FRK: variants seen among roughly 807,000 people sequenced by gnomAD.
FRK encodes fyn related Src family tyrosine kinase, also known as tyrosine-protein kinase FRK.
Under a neutral mutation model 56.4 loss-of-function variants are expected in FRK, and 51 were observed. The ratio of observed to expected loss-of-function variants is 0.90; its 90% confidence interval spans 0.72 to 1.14. The LOEUF is 1.14. Among genes scored for constraint, FRK ranks in the 50% most tolerant of loss-of-function variants. FRK has a pLI of 0.00. For missense variants in FRK, 570 were observed against 601.4 expected (o/e 0.95, Z 0.55); for synonymous variants, 245 against 217.9 (o/e 1.12, Z -1.10).
intron 1 of FRK, among the ~76,000 whole-genome samples, chr6:116,058,383 T>G (rs1777474585): frequency 6.6e-6 from 1 of 152,204 alleles, no homozygotes; most frequent in Admixed American, 6.5e-5. Context: ...TTAAGACCCT[T>G]CTAAACATTT....
intron 5 of FRK, among the ~76,000 whole-genome samples, chr6:115,955,813 T>G (rs970269826): frequency 2.6e-5 from 4 of 152,224 alleles, no homozygotes; most frequent in Non-Finnish European, 4.4e-5. Context: ...CATCTCATTT[T>G]AATGCTCATT....
chr6:116,085,783 C>T, the FRK span, among the ~76,000 whole-genome samples: 1 of 152,082 alleles, frequency 6.6e-6, no homozygotes, highest in East Asian at 1.9e-4. Flanking sequence ...TACATATGAA[C>T]ACGGAGATTC....
At chr6:116,032,138 A>G (rs752609540) in intron 1 of FRK, among the ~76,000 whole-genome samples, 18 of 152,208 alleles carry the variant, frequency 1.2e-4, no homozygotes, top group Non-Finnish European at 2.4e-4. Context: ...TCATCCACAT[A>G]TGGAGCACAT....
the FRK span, among the ~76,000 whole-genome samples, chr6:116,092,364 G>A: frequency 6.6e-6 from 1 of 152,164 alleles, no homozygotes; most frequent in Non-Finnish European, 1.5e-5. Flanking sequence ...CCCTCCCTCA[G>A]GGTATGGCCC....
At chr6:115,989,697 A>C (rs76552204) in intron 2 of FRK, among the ~76,000 whole-genome samples, 1 of 151,838 alleles carries the variant, frequency 6.6e-6, no homozygotes, top group African/African-American at 2.4e-5. Context: ...ATTGACACTT[A>C]TGTTGATACC....
At chr6:116,088,949 G>A in the FRK span, among the ~76,000 whole-genome samples, 1 of 152,148 alleles carries the variant, frequency 6.6e-6, no homozygotes, top group African/African-American at 2.4e-5. Context: ...AGGGATTCCT[G>A]AAATATGTTC....
In FRK at chr6:115,942,523, C is replaced by T; in HGVS notation, c.1409G>A (p.Trp470Ter). 1 of 1,613,718 alleles carries T rather than the reference C, an allele frequency of 6.2e-7. No individual in the cohort carries two copies. Among genetic ancestry groups the T allele is most frequent in the Non-Finnish European group, 8.5e-7 (1 of 1,179,776 alleles). The change falls in exon 8 of 8, where the codon TGG becomes TAG. Residue 470 changes from tryptophan (W) to a stop codon, truncating the protein, a stop_gained. Coordinates refer to ENST00000606080, the MANE Select transcript of FRK (RefSeq NM_002031.3). LOFTEE classifies it high-confidence loss of function. Reference protein sequence around the residue: ...QQFYNIMLECWNAEPKERPTF... With the variant: ...QQFYNIMLEC ...AGGTCGTTCCTTAGGCTCTGCATTC[C>T]AGCACTCCAACATGATGTTGTAAAA...
At chr6:116,046,680 A>C (rs1256034147) in intron 1 of FRK, among the ~76,000 whole-genome samples, 1 of 152,126 alleles carries the variant, frequency 6.6e-6, no homozygotes, top group Admixed American at 6.6e-5. Flanking sequence ...TACCTAAGGT[A>C]GGTGATGGGT....
rs1271454753 is a variant in FRK at position 115,935,616 on chromosome 6, A to T, written c.*6798T>A. 1 of 152,292 alleles carries T rather than the reference A, an allele frequency of 6.6e-6. No individual in the cohort carries two copies. Among genetic ancestry groups the T allele is most frequent in the Non-Finnish European group, 1.5e-5 (1 of 68,118 alleles). 9.4% of individuals were successfully genotyped at this position (152,292 alleles called of 1,614,324 possible). A position where few individuals can be genotyped will look rare whatever the true frequency, so the allele number is the denominator to read the frequency against. ...TTCACTGGCTTGAAATCCTCATTGC[A>T]AGCACAGCAGTCTGAGGTCGACCTG... On this transcript the variant is annotated 3_prime_UTR_variant, in exon 8 of 8. Transcript: ENST00000606080.
At chr6:115,958,036 TAAAG>T (rs1312216346) in intron 4 of FRK, among the ~76,000 whole-genome samples, 1 of 152,158 alleles carries the variant, frequency 6.6e-6, no homozygotes, top group Admixed American at 6.5e-5. Flanking sequence ...GACAAGGACT[TAAAG>T]AGAGAGAATA....
chr6:116,040,114 A>G (rs1776658601), intron 1 of FRK, among the ~76,000 whole-genome samples: 1 of 152,188 alleles, frequency 6.6e-6, no homozygotes, highest in Non-Finnish European at 1.5e-5. Flanking sequence ...GTCATAGTGA[A>G]TAATGACAGC....
chr6:116,074,818 G>A, the FRK span, among the ~76,000 whole-genome samples: 1 of 152,102 alleles, frequency 6.6e-6, no homozygotes, highest in African/African-American at 2.4e-5. Context: ...CCATACCAGG[G>A]CACAAGAGAA....
At chr6:116,043,619 C>A (rs993546890) in intron 1 of FRK, among the ~76,000 whole-genome samples, 16 of 151,968 alleles carry the variant, frequency 1.1e-4, no homozygotes, top group African/African-American at 3.9e-4. Flanking sequence ...GCACTAAATG[C>A]CCACAGAAGG....
chr6:115,950,557 T>C (rs2114535506), intron 5 of FRK, among the ~76,000 whole-genome samples: 1 of 152,336 alleles, frequency 6.6e-6, no homozygotes, highest in Non-Finnish European at 1.5e-5. Context: ...GGAATGCTTT[T>C]ACACTGTTGG....
At chr6:116,091,595 A>G in the FRK span, among the ~76,000 whole-genome samples, 1 of 152,272 alleles carries the variant, frequency 6.6e-6, no homozygotes, top group African/African-American at 2.4e-5. Context: ...ATTGCCTATC[A>G]CCAAGCAGTG....
chr6:116,095,764 C>T, the FRK span, among the ~76,000 whole-genome samples: 2 of 152,330 alleles, frequency 1.3e-5, no homozygotes, highest in East Asian at 3.9e-4. Context: ...CAAATAGACT[C>T]TTTGGCAGCA....
Position 115,970,485 on chromosome 6 carries a change from T to C in FRK, c.467-1746A>G, listed in dbSNP as rs544436081. Among the ~76,000 whole-genome samples, 11 of 152,308 alleles carry C rather than the reference T, an allele frequency of 7.2e-5. No individual in the cohort carries two copies. The South Asian group carries it at 1.0e-3, about 14-fold the overall frequency. ...CAAATGTTTATCAACTAAAAAACAA[T>C]TGAATTAGCTAAAAAATTGTCATCT... On this transcript the variant is annotated intron_variant, in intron 2 of 7. Coordinates refer to ENST00000606080, the MANE Select transcript of FRK (RefSeq NM_002031.3).
At chr6:116,057,886 T>C (rs1331756448) in intron 1 of FRK, among the ~76,000 whole-genome samples, 1 of 152,214 alleles carries the variant, frequency 6.6e-6, no homozygotes, top group East Asian at 1.9e-4. Flanking sequence ...CAGAATATGA[T>C]ACCTTCGGAT....
intron 2 of FRK, among the ~76,000 whole-genome samples, chr6:116,003,464 C>A (rs1415548507): frequency 6.6e-6 from 1 of 152,094 alleles, no homozygotes; most frequent in South Asian, 2.1e-4. Flanking sequence ...TTGCATTAAT[C>A]ATTTCAATTC....
Sources: allele counts gnomAD v4.1 joint callset (sites outside exome capture counted in the v4.1 genomes callset), GRCh38; gene constraint gnomAD v4.1.1; transcripts MANE v1.5; gene names NCBI Gene and HGNC (gene_info 2026-07-23, HGNC 2026-07-21).